Variants in SLC9C1 observed in about 807,000 individuals in gnomAD.
SLC9C1 encodes solute carrier family 9 member C1.
SLC9C1 carries 97 observed loss-of-function variants against 140.9 expected under a neutral mutation model. That is an observed-to-expected ratio of 0.69 (90% confidence interval 0.58 to 0.82). The LOEUF (loss-of-function observed/expected upper bound fraction) is 0.82, where lower values mean the gene tolerates loss of function less well. Among genes scored for constraint, SLC9C1 ranks in the 40% least tolerant of loss-of-function variants. The probability of loss-of-function intolerance (pLI) is 0.00; values close to 1 mark genes in which losing one functional copy is unlikely to be tolerated. For missense variants in SLC9C1, 1,340 were observed against 1,389.3 expected, an observed-to-expected ratio of 0.96 and a Z score of 0.56; for synonymous variants, 440 against 442.6, an observed-to-expected ratio of 0.99 and a Z score of 0.07.
At chr3:112,242,593 T>G (rs2079166165) in intron 11 of SLC9C1, among the ~76,000 whole-genome samples, 1 of 151,946 alleles carries the variant, frequency 6.6e-6, no homozygotes, top group African/African-American at 2.4e-5. Flanking sequence ...ATAGAAAGAA[T>G]GAAAAAGATC....
intron 10 of SLC9C1, among the ~76,000 whole-genome samples, chr3:112,255,758 C>A (rs1201078225): frequency 1.3e-5 from 2 of 151,974 alleles, no homozygotes. Context: ...TCAAAACACA[C>A]ACAAAAAATC....
intron 6 of SLC9C1, among the ~76,000 whole-genome samples, chr3:112,272,278 A>G (rs1179432037): frequency 6.6e-6 from 1 of 152,234 alleles, no homozygotes; most frequent in Admixed American, 6.5e-5. Context: ...ATACATTTTA[A>G]TAAGTAACAT....
intron 13 of SLC9C1, among the ~76,000 whole-genome samples, chr3:112,226,990 G>A (rs1428790147): frequency 6.6e-6 from 1 of 151,832 alleles, no homozygotes; most frequent in Non-Finnish European, 1.5e-5. Flanking sequence ...AGTGAAAAAC[G>A]AGACACAACA....
At chr3:112,213,415 T>C (rs1377289128) in intron 15 of SLC9C1, among the ~76,000 whole-genome samples, 1 of 151,890 alleles carries the variant, frequency 6.6e-6, no homozygotes, top group Non-Finnish European at 1.5e-5. Flanking sequence ...GACGGGCAAG[T>C]TGGATAAAGA....
At chr3:112,283,397 C>A (rs2080411699) in intron 2 of SLC9C1, among the ~76,000 whole-genome samples, 1 of 150,748 alleles carries the variant, frequency 6.6e-6, no homozygotes, top group Admixed American at 6.6e-5. Context: ...GTGGGAGGAT[C>A]ACTTGCACCC....
chr3:112,215,440 G>T (rs1369617262), intron 15 of SLC9C1, among the ~76,000 whole-genome samples: 4 of 152,128 alleles, frequency 2.6e-5, no homozygotes, highest in Non-Finnish European at 5.9e-5. Flanking sequence ...CAGATGACAT[G>T]ATTGTATATT....
chr3:112,243,930 T>C (rs2079205281), intron 11 of SLC9C1, 65 bp downstream of exon 11: 2 of 1,114,996 alleles, frequency 1.8e-6, no homozygotes, highest in East Asian at 5.1e-5. Flanking sequence ...TCTTTATTAT[T>C]AGCACTTCTT....
At chr3:112,187,112 A>C (rs982462481) in intron 20 of SLC9C1, among the ~76,000 whole-genome samples, 3 of 152,152 alleles carry the variant, frequency 2.0e-5, no homozygotes, top group Non-Finnish European at 2.9e-5. Context: ...CTGGGATCAG[A>C]ATGCCTGGAT....
At chr3:112,274,295 A>G (rs1399850994) in intron 6 of SLC9C1, among the ~76,000 whole-genome samples, 2 of 152,146 alleles carry the variant, frequency 1.3e-5, no homozygotes, top group African/African-American at 2.4e-5. Flanking sequence ...AATCACTATT[A>G]TAATATACAT....
At chr3:112,184,523 C>G (rs2077496205) in intron 20 of SLC9C1, among the ~76,000 whole-genome samples, 1 of 151,292 alleles carries the variant, frequency 6.6e-6, no homozygotes, top group Admixed American at 6.6e-5. Flanking sequence ...GTAATCCCAG[C>G]TACTCGGAAG....
At chr3:112,226,876 A>G (rs1268307343) in intron 13 of SLC9C1, among the ~76,000 whole-genome samples, 1 of 152,196 alleles carries the variant, frequency 6.6e-6, no homozygotes, top group Non-Finnish European at 1.5e-5. Flanking sequence ...CAAAAATAAT[A>G]TAAAAGATCA....
chr3:112,206,342 A>G (rs1264166861), intron 16 of SLC9C1, among the ~76,000 whole-genome samples: 5 of 151,970 alleles, frequency 3.3e-5, no homozygotes, highest in African/African-American at 1.2e-4. Context: ...TAAAAAGGAA[A>G]CAACAGGTGC....
Position 112,226,383 on chromosome 3 carries a change from C to T in SLC9C1, c.1572+4978G>A, listed in dbSNP as rs13317473. On this transcript the variant is annotated intron_variant, in intron 13 of 28. Transcript: ENST00000305815. Reference sequence around the variant, plus strand: ...CAAAACCTATGGGATATAGCAAAAGCTGCACTAAGAGGGAAATTTATAGTA... The same window carrying T: ...CAAAACCTATGGGATATAGCAAAAGTTGCACTAAGAGGGAAATTTATAGTA... 9.9e-3 allele frequency among the ~76,000 whole-genome samples: 1,505 copies of T among 152,078 alleles called. 24 individuals carry two copies. The highest frequency in any genetic ancestry group is 0.034 in the African/African-American group (1,403 of 41,496).
chr3:112,264,482 G>T, intron 8 of SLC9C1, 139 bp from the exon 9 acceptor site: 1 of 376,094 alleles, frequency 2.7e-6, no homozygotes, highest in Non-Finnish European at 4.5e-6. Context: ...TTGACTTGTA[G>T]CTGAAAATGA....
At chr3:112,240,909 G>A (rs2108218752) in intron 11 of SLC9C1, among the ~76,000 whole-genome samples, 1 of 151,846 alleles carries the variant, frequency 6.6e-6, no homozygotes, top group East Asian at 1.9e-4. Flanking sequence ...CTTATTTGTG[G>A]GATCTAAAAA....
At position 112,231,407 on chromosome 3, in the gene SLC9C1, G is replaced by A; in HGVS notation, c.1526C>T (p.Thr509Ile). 6.2e-7 allele frequency: 1 copy of A among 1,613,378 alleles called. No individual in the cohort carries two copies. Among genetic ancestry groups the A allele is most frequent in the Non-Finnish European group, 8.5e-7 (1 of 1,179,662 alleles). Residue 509 changes from threonine to isoleucine, a missense_variant, in exon 13 of 29, where the codon ACT becomes ATT. By Grantham distance (89) the Thr-to-Ile change is moderately conservative (BLOSUM62 -1). Transcript: ENST00000305815. Reference protein sequence around the residue: ...CNKEIDEIFNTEAMELANRRL... With the variant: ...CNKEIDEIFNIEAMELANRRL... ...CCTGTTGGCCAGCTCCATTGCTTCA[G>A]TGTTAAAGATCTCATCTATTTCCTT...
At chr3:112,214,721 C>CTT (rs2078307153) in intron 15 of SLC9C1, among the ~76,000 whole-genome samples, 1 of 152,164 alleles carries the variant, frequency 6.6e-6, no homozygotes, top group Non-Finnish European at 1.5e-5. Context: ...CAATTAATAG[C>CTT]TTACCAACCA....
chr3:112,282,385 C>T (rs1296774302), intron 2 of SLC9C1, among the ~76,000 whole-genome samples: 2 of 152,052 alleles, frequency 1.3e-5, no homozygotes, highest in African/African-American at 4.8e-5. Flanking sequence ...TGTTGACTTT[C>T]TGTAGTGCCA....
chr3:112,290,243 C>G (rs1201535472), intron 1 of SLC9C1, among the ~76,000 whole-genome samples: 1 of 152,168 alleles, frequency 6.6e-6, no homozygotes, highest in East Asian at 1.9e-4. Flanking sequence ...TTCCTACATG[C>G]TTTCTGAATT....
Sources: gnomAD v4.1 joint callset for allele counts (sites outside exome capture counted in the v4.1 genomes callset) on GRCh38, gnomAD v4.1.1 for gene constraint, MANE v1.5 for transcripts, NCBI Gene and HGNC (gene_info 2026-07-23, HGNC 2026-07-21) for gene names.